Variants in SRGAP1 observed in about 807,000 individuals in gnomAD.
SRGAP1 encodes the protein SLIT-ROBO Rho GTPase activating protein 1, also known as SLIT-ROBO Rho GTPase-activating protein 1.
SRGAP1 carries 43 observed loss-of-function variants against 121.9 expected under a neutral mutation model. The observed-to-expected ratio is 0.35, with a 90% CI of 0.28 to 0.46. SRGAP1 has a LOEUF of 0.46. Among genes scored for constraint, SRGAP1 ranks in the 20% least tolerant of loss-of-function variants. The pLI, the probability that SRGAP1 is intolerant of heterozygous loss-of-function variation, is 1.00. For synonymous variants in SRGAP1, 447 were observed against 485.4 expected, an observed-to-expected ratio of 0.92 and a Z score of 1.04; for missense variants, 1,102 against 1,350.9, an observed-to-expected ratio of 0.82 and a Z score of 2.89.
intron 1 of SRGAP1, among the ~76,000 whole-genome samples, chr12:63,876,304 T>C (rs2136281784): frequency 6.6e-6 from 1 of 152,298 alleles, no homozygotes; most frequent in East Asian, 1.9e-4. Flanking sequence ...ATCTCAGATA[T>C]AGTATTGAAA....
At position 64,144,883 on chromosome 12, in the gene SRGAP1, C is replaced by T. The variant is rs1264769572; in HGVS notation, c.*2211C>T. 5 of 113,384 alleles carry T rather than the reference C, an allele frequency of 4.4e-5. No individual in the cohort carries two copies. The highest frequency in any genetic ancestry group is 7.2e-5 in the African/African-American group (2 of 27,934). The allele number at this position is 113,384 out of a possible 1,614,324, so 7.0% of individuals were successfully genotyped here. ...TTTTTGAGTTGGAGTCTTGCTCTGT[C>T]GCCCAGGCCAGAGTACAGTGGTGCA... On this transcript the variant is annotated 3_prime_UTR_variant, in exon 22 of 22. Transcript: ENST00000355086.
chr12:64,020,375 G>T (rs74097516), intron 4 of SRGAP1, among the ~76,000 whole-genome samples: 1 of 152,042 alleles, frequency 6.6e-6, no homozygotes, highest in Non-Finnish European at 1.5e-5. Flanking sequence ...CAGGATGGTG[G>T]CATTAGAGTG....
intron 1 of SRGAP1, among the ~76,000 whole-genome samples, chr12:63,881,672 A>T (rs1329755061): frequency 6.6e-6 from 1 of 152,206 alleles, no homozygotes; most frequent in African/African-American, 2.4e-5. Context: ...TTTTATCATC[A>T]CTTGATGTAT....
At chr12:64,137,764 C>T (rs2036877932) in intron 21 of SRGAP1, among the ~76,000 whole-genome samples, 1 of 151,874 alleles carries the variant, frequency 6.6e-6, no homozygotes, top group Non-Finnish European at 1.5e-5. Context: ...CCTCAAAGTG[C>T]TCACATTCAA....
intron 1 of SRGAP1, among the ~76,000 whole-genome samples, chr12:63,933,247 A>T (rs771458394): frequency 4.7e-4 from 71 of 152,108 alleles, no homozygotes; most frequent in Non-Finnish European, 7.6e-4. Context: ...ATAATAATAA[A>T]AAGAACCATA....
intron 3 of SRGAP1, among the ~76,000 whole-genome samples, chr12:63,995,760 A>G (rs2033679933): frequency 6.6e-6 from 1 of 152,098 alleles, no homozygotes. Context: ...GACTCACTTT[A>G]GGTATTGCTG....
chr12:63,907,670 G>T (rs181579243), intron 1 of SRGAP1, among the ~76,000 whole-genome samples: 1 of 152,070 alleles, frequency 6.6e-6, no homozygotes, highest in Non-Finnish European at 1.5e-5. Flanking sequence ...CTGTCATCCC[G>T]TGTGTTGTCT....
At chr12:63,944,550 A>C (rs1001232164) in intron 1 of SRGAP1, among the ~76,000 whole-genome samples, 2 of 152,184 alleles carry the variant, frequency 1.3e-5, no homozygotes, top group African/African-American at 4.8e-5. Context: ...ACATTCATTC[A>C]GTCTCTATCA....
Position 64,043,397 on chromosome 12 carries a change from T to C in SRGAP1, c.673-50T>C, listed in dbSNP as rs750369473. The C allele has an allele frequency of 1.5e-5, 24 of 1,565,836 alleles. No individual in the cohort carries two copies. The African/African-American group carries it at 2.5e-4, about 16-fold the overall frequency. Reference sequence around the variant, plus strand: ...TGCATGTATGTTTCTCTGTCTTGATTAAAAATGACTTTGCATTCTTTCCCA... The same window carrying C: ...TGCATGTATGTTTCTCTGTCTTGATCAAAAATGACTTTGCATTCTTTCCCA... On this transcript the variant is annotated intron_variant, in intron 5 of 21. Transcript: ENST00000355086.
At chr12:64,068,286 AAAAAAAAAAAG>A (rs1239254480) in intron 8 of SRGAP1, among the ~76,000 whole-genome samples, 9 of 111,822 alleles carry the variant, frequency 8.0e-5, no homozygotes, top group African/African-American at 3.1e-4. Flanking sequence ...AAAAAAAAAA[AAAAAAAAAAAG>A]TAGTAGGCAC....
chr12:64,127,923 A>G lies in SRGAP1; in HGVS notation c.2603A>G (p.His868Arg). The change falls in exon 21 of 22, where the codon CAT becomes CGT. Residue 868 changes from histidine to arginine, a missense_variant. Coordinates refer to ENST00000355086, the MANE Select transcript of SRGAP1 (RefSeq NM_020762.4). ...CGTCCTGGCAGGACCAGTGATGGCC[A>G]TTGCCCGCTCCACCCTCCACATGCC... Reference protein sequence around the residue: ...VRRPGRTSDGHCPLHPPHALS... With the variant: ...VRRPGRTSDGRCPLHPPHALS... The G allele has an allele frequency of 6.2e-7, 1 of 1,614,154 alleles. No individual in the cohort carries two copies. Among genetic ancestry groups the G allele is most frequent in the Non-Finnish European group, 8.5e-7 (1 of 1,180,026 alleles).
At chr12:63,899,337 CA>C (rs879489762) in intron 1 of SRGAP1, among the ~76,000 whole-genome samples, 164 of 134,422 alleles carry the variant, frequency 1.2e-3, no homozygotes, top group African/African-American at 9.0e-4. Context: ...ATCCTGTCTC[CA>C]AAAAAAAAAA....
intron 1 of SRGAP1, among the ~76,000 whole-genome samples, chr12:63,871,080 T>C (rs1328366463): frequency 6.6e-6 from 1 of 152,198 alleles, no homozygotes; most frequent in Non-Finnish European, 1.5e-5. Flanking sequence ...AGACTGATGC[T>C]GTAGGTCAAG....
At chr12:64,118,415 A>C (rs1199022011) in intron 18 of SRGAP1, among the ~76,000 whole-genome samples, 1 of 151,964 alleles carries the variant, frequency 6.6e-6, no homozygotes, top group African/African-American at 2.4e-5. Flanking sequence ...CACTAGAGGC[A>C]CATTCTACCA....
At chr12:64,023,443 G>T (rs923433847) in intron 4 of SRGAP1, among the ~76,000 whole-genome samples, 3 of 151,996 alleles carry the variant, frequency 2.0e-5, no homozygotes, top group Non-Finnish European at 4.4e-5. Flanking sequence ...ATCTCAAAAG[G>T]TTATGTAGTA....
intron 1 of SRGAP1, among the ~76,000 whole-genome samples, chr12:63,934,322 A>G (rs1394779459): frequency 6.6e-6 from 1 of 152,086 alleles, no homozygotes; most frequent in Non-Finnish European, 1.5e-5. Context: ...CCGTACTGCC[A>G]GCTGCTTTTG....
At chr12:64,078,840 A>T in intron 8 of SRGAP1, 79 bp from the exon 9 acceptor site, 1 of 1,463,072 alleles carries the variant, frequency 6.8e-7, no homozygotes, top group Non-Finnish European at 9.3e-7. Flanking sequence ...CCTCATCTCT[A>T]CCTGACAGAG....
At chr12:63,976,428 G>T (rs191973810) in intron 1 of SRGAP1, among the ~76,000 whole-genome samples, 1 of 152,030 alleles carries the variant, frequency 6.6e-6, no homozygotes, top group African/African-American at 2.4e-5. Context: ...GGATATGTCC[G>T]CCCCAGACTC....
At chr12:64,087,504 C>T (rs147752826) in intron 11 of SRGAP1, among the ~76,000 whole-genome samples, 1,813 of 152,202 alleles carry the variant, frequency 0.012, 12 homozygotes, top group Non-Finnish European at 0.016. Flanking sequence ...GAGACTGAGG[C>T]GGGTGGATCA....
Sources: allele counts gnomAD v4.1 joint callset (sites outside exome capture counted in the v4.1 genomes callset), GRCh38; gene constraint gnomAD v4.1.1; transcripts MANE v1.5; gene names NCBI Gene and HGNC (gene_info 2026-07-23, HGNC 2026-07-21).